Variants in GNB5 observed in about 807,000 individuals in gnomAD.
GNB5 encodes the protein guanine nucleotide-binding protein subunit beta-5.
Under a neutral mutation model 55.3 loss-of-function variants are expected in GNB5, and 37 were observed. That is an observed-to-expected ratio of 0.67 (90% confidence interval 0.51 to 0.88). The LOEUF (loss-of-function observed/expected upper bound fraction) is 0.88. GNB5 is among the 40% of genes least tolerant of loss of function. The pLI is 0.00. For synonymous variants in GNB5, 219 were observed against 198.5 expected, an observed-to-expected ratio of 1.10 and a Z score of -0.87; for missense variants, 476 against 515.3, an observed-to-expected ratio of 0.92 and a Z score of 0.74.
intron 7 of GNB5, chr15:52,138,454 T>C (rs1214427681): frequency 6.5e-6 from 1 of 152,792 alleles, no homozygotes; most frequent in Non-Finnish European, 1.5e-5. Context: ...AGGAGGGGAA[T>C]CTGCTCCCGC....
At chr15:52,169,363 C>A (rs1306734993) in intron 3 of GNB5, among the ~76,000 whole-genome samples, 1 of 149,412 alleles carries the variant, frequency 6.7e-6, no homozygotes, top group East Asian at 2.0e-4. Context: ...ATGGTGAAAC[C>A]CCGTCTCTAC....
chr15:52,148,292 G>C (rs1316546186), intron 5 of GNB5, among the ~76,000 whole-genome samples: 1 of 152,156 alleles, frequency 6.6e-6, no homozygotes, highest in Non-Finnish European at 1.5e-5. Flanking sequence ...TGTCCACTAT[G>C]AGCCCTAAAC....
intron 3 of GNB5, among the ~76,000 whole-genome samples, chr15:52,161,530 G>T (rs889819372): frequency 1.3e-5 from 2 of 152,096 alleles, no homozygotes; most frequent in Admixed American, 1.3e-4. Flanking sequence ...CGAAGTCCTG[G>T]CCTCAAGTGG....
At chr15:52,122,842 A>C in intron 12 of GNB5, 74 bp from the exon 13 acceptor site, 1 of 1,111,980 alleles carries the variant, frequency 9.0e-7, no homozygotes, top group Non-Finnish European at 1.4e-6. Context: ...TAAAGAGATA[A>C]AATTAGTCTA....
chr15:52,140,120 C>G (rs2033818085), intron 7 of GNB5: 1 of 336,068 alleles, frequency 3.0e-6, no homozygotes, highest in South Asian at 3.8e-5. Flanking sequence ...CAACATCCCT[C>G]CAGTCAGCAA....
In GNB5 at chr15:52,135,729, A is replaced by G. The variant is rs779110672; in HGVS notation, c.655T>C (p.Cys219Arg). Residue 219 changes from cysteine (C) to arginine (R), a missense_variant, in exon 8 of 13, where the codon TGT becomes CGT. Coordinates refer to ENST00000261837, the MANE Select transcript of GNB5 (RefSeq NM_016194.4). ...QILTASGDGT[C>R]ALWDVESGQL... is the part of the protein sequence containing the mutation. ...CCGCTCTCCACGTCCCACAGGGCAC[A>G]TGTGCCATCGCCGCTCGCTGTCAGG... 2.5e-6 allele frequency: 4 copies of G among 1,612,796 alleles called. No individual in the cohort carries two copies. The highest frequency in any genetic ancestry group is 2.5e-6 in the Non-Finnish European group (3 of 1,179,860).
At chr15:52,159,501 C>T (rs2034286241) in intron 3 of GNB5, among the ~76,000 whole-genome samples, 1 of 152,180 alleles carries the variant, frequency 6.6e-6, no homozygotes, top group Non-Finnish European at 1.5e-5. Flanking sequence ...GGACGCTTGC[C>T]TCTGTGGCCT....
intron 7 of GNB5, among the ~76,000 whole-genome samples, chr15:52,136,353 G>T (rs2033722340): frequency 6.6e-6 from 1 of 152,190 alleles, no homozygotes; most frequent in Non-Finnish European, 1.5e-5. Flanking sequence ...TGGCTCGTAG[G>T]AAGTGTTCCG....
chr15:52,117,102 A>ATATATATTTTTTTTTTTTTTTTTTTT lies in GNB5; in HGVS notation c.*5654_*5655insAAAAAAAAAAAAAAAAAAAATATATA. The ATATATATTTTTTTTTTTTTTTTTTTT allele has an allele frequency of 1.1e-5, 1 of 87,100 alleles. No individual in the cohort carries two copies. The highest frequency in any genetic ancestry group is 3.4e-4 in the East Asian group (1 of 2,960). The allele number at this position is 87,100 out of a possible 1,614,324, so 5.4% of individuals were successfully genotyped here. ...CCACGCCCAGCTAATATATATATAT[A>ATATATATTTTTTTTTTTTTTTTTTTT]TTTTTTTTTAGTACAGACAGGGTTT... On this transcript the variant is annotated 3_prime_UTR_variant, in exon 13 of 13. Coordinates refer to ENST00000261837, the MANE Select transcript of GNB5 (RefSeq NM_016194.4).
At chr15:52,184,014 C>G (rs556965365) in intron 2 of GNB5, among the ~76,000 whole-genome samples, 94 of 152,118 alleles carry the variant, frequency 6.2e-4, no homozygotes, top group African/African-American at 2.1e-3. Flanking sequence ...CTGTGAGATT[C>G]CATCTTCATT....
At chr15:52,147,967 C>T (rs894464790) in intron 5 of GNB5, among the ~76,000 whole-genome samples, 7 of 151,418 alleles carry the variant, frequency 4.6e-5, no homozygotes, top group Admixed American at 2.0e-4. Context: ...GGAAGTGGTA[C>T]GGGGTAAAGA....
intron 7 of GNB5, chr15:52,137,742 G>T: frequency 8.4e-7 from 1 of 1,191,644 alleles, no homozygotes; most frequent in Non-Finnish European, 1.1e-6. Flanking sequence ...AGGGTTCGGG[G>T]CCCTCATAGG....
chr15:52,179,605 C>T (rs1172727591), intron 3 of GNB5, among the ~76,000 whole-genome samples, 163 bp downstream of exon 3: 1 of 151,430 alleles, frequency 6.6e-6, no homozygotes, highest in African/African-American at 2.4e-5. Flanking sequence ...GACCGCTACC[C>T]GCGCCTCACC....
In GNB5 at chr15:52,185,753, T is replaced by TTTTTTA. The variant is rs1555409559; in HGVS notation, c.-18-1060_-18-1059insTAAAAA. Among the ~76,000 whole-genome samples the TTTTTTA allele has an allele frequency of 3.3e-3, 450 of 136,706 alleles. 1 individual carries two copies. Among genetic ancestry groups the TTTTTTA allele is most frequent in the East Asian group, 8.1e-3 (39 of 4,800 alleles). 89.7% of individuals were successfully genotyped at this position (136,706 alleles called of 152,430 possible). On this transcript the variant is annotated intron_variant, in intron 1 of 12. Coordinates refer to ENST00000261837, the MANE Select transcript of GNB5 (RefSeq NM_016194.4). ...CCACTTTGAGCTGTGTATTCATCTT[T>TTTTTTA]TTATTATTATTATTATTATTATTAT...
chr15:52,184,819 A>C, intron 1 of GNB5, 125 bp from the exon 2 acceptor site: 1 of 658,002 alleles, frequency 1.5e-6, no homozygotes, highest in Non-Finnish European at 2.6e-6. Context: ...GAGTATATGC[A>C]GTTAATTTAT....
intron 12 of GNB5, among the ~76,000 whole-genome samples, chr15:52,123,947 C>T (rs1462483137): frequency 2.7e-5 from 4 of 149,580 alleles, no homozygotes; most frequent in Non-Finnish European, 5.9e-5. Context: ...AGGCATACAC[C>T]CCAAATTTGG....
intron 4 of GNB5, 62 bp from the exon 5 acceptor site, chr15:52,149,987 T>C (rs2034057937): frequency 8.7e-6 from 11 of 1,258,048 alleles, no homozygotes; most frequent in African/African-American, 1.5e-5. Context: ...CTGCTGAGAA[T>C]TCCTCATAAA....
rs146608162 is a variant in GNB5 at position 52,141,468 on chromosome 15, C to G, written c.495-196G>C. On this transcript the variant is annotated intron_variant, in intron 6 of 12. Coordinates refer to ENST00000261837, the MANE Select transcript of GNB5 (RefSeq NM_016194.4). ...TTTTAAATAGAGACAGGGTCTTGCT[C>G]TGTTGGCCAGGTTGGTCTTGAACTC... Among the ~76,000 whole-genome samples the G allele has an allele frequency of 5.4e-5, 8 of 149,290 alleles. No individual in the cohort carries two copies. In the East Asian group the frequency reaches 1.6e-3, roughly 29 times the overall value.
At chr15:52,165,341 A>T (rs2034429597) in intron 3 of GNB5, among the ~76,000 whole-genome samples, 1 of 152,228 alleles carries the variant, frequency 6.6e-6, no homozygotes, top group East Asian at 1.9e-4. Context: ...GGCAACGTTC[A>T]AATTCAGGAA....
Sources: gnomAD v4.1 joint callset for allele counts (sites outside exome capture counted in the v4.1 genomes callset) on GRCh38, gnomAD v4.1.1 for gene constraint, MANE v1.5 for transcripts, NCBI Gene and HGNC (gene_info 2026-07-23, HGNC 2026-07-21) for gene names.